MED9: variants seen among roughly 807,000 people sequenced by gnomAD.
The protein encoded by MED9 is mediator of RNA polymerase II transcription subunit 9.
A neutral mutation model predicts 13.2 loss-of-function variants in MED9; 8 were observed. That is an observed-to-expected ratio of 0.61 (90% confidence interval 0.36 to 1.10). The LOEUF (loss-of-function observed/expected upper bound fraction) is 1.10. Ranked by LOEUF, MED9 falls within the 50% of genes least tolerant of loss-of-function variation. The pLI, the probability that MED9 is intolerant of heterozygous loss-of-function variation, is 0.02. For missense variants in MED9, 180 were observed against 193.4 expected, an observed-to-expected ratio of 0.93 and a Z score of 0.41; for synonymous variants, 87 against 82.8, an observed-to-expected ratio of 1.05 and a Z score of -0.28.
rs1160278837 is a variant in MED9 at position 17,483,600 on chromosome 17, G to A, written c.224+6335G>A. 1.3e-5 allele frequency among the ~76,000 whole-genome samples: 2 copies of A among 152,226 alleles called. No homozygotes were observed. Among genetic ancestry groups the A allele is most frequent in the Non-Finnish European group, 2.9e-5 (2 of 68,044 alleles). ...CATCTCTTCTAGTGTCTTTCCCGCA[G>A]TTGAATGAAAAATTAAACTACACAT... On this transcript the variant is annotated intron_variant, in intron 1 of 1. Coordinates refer to ENST00000268711, the MANE Select transcript of MED9 (RefSeq NM_018019.3). The surrounding 1 kb of genome is among the most constrained non-coding windows in gnomAD (Gnocchi z 4.2).
rs1372859708 is a variant in MED9 at position 17,491,509 on chromosome 17, T to C, written c.*14T>C. On this transcript the variant is annotated 3_prime_UTR_variant, in exon 2 of 2. Coordinates refer to ENST00000268711, the MANE Select transcript of MED9 (RefSeq NM_018019.3). Reference sequence around the variant, plus strand: ...CCCAAGGAGTAGAGTGAGGCTGACTTCCTTAGAAAGAGGGGGAAGCCAATG... The same window carrying C: ...CCCAAGGAGTAGAGTGAGGCTGACTCCCTTAGAAAGAGGGGGAAGCCAATG... The C allele has an allele frequency of 6.3e-7, 1 of 1,597,086 alleles. No individual in the cohort carries two copies. Among genetic ancestry groups the C allele is most frequent in the Admixed American group, 1.7e-5 (1 of 59,994 alleles).
intron 1 of MED9, among the ~76,000 whole-genome samples, chr17:17,480,212 G>A (rs1335538666): frequency 6.6e-6 from 1 of 152,134 alleles, no homozygotes; most frequent in Non-Finnish European, 1.5e-5. Context: ...ACTGAAAAGA[G>A]GGATTAAGAG....
chr17:17,491,553 A>G lies in MED9; in HGVS notation c.*58A>G. Reference sequence around the variant, plus strand: ...GCCAATGGCCTGTCTCCCCACTACCATCCCCAAACGCTCCTTGGGGCGTGG... The same window carrying G: ...GCCAATGGCCTGTCTCCCCACTACCGTCCCCAAACGCTCCTTGGGGCGTGG... On this transcript the variant is annotated 3_prime_UTR_variant, in exon 2 of 2. Transcript: ENST00000268711. 1.4e-6 allele frequency: 2 copies of G among 1,472,552 alleles called. No homozygotes were observed. Among genetic ancestry groups the G allele is most frequent in the Non-Finnish European group, 1.9e-6 (2 of 1,058,270 alleles). 91.2% of individuals were successfully genotyped at this position (1,472,552 alleles called of 1,614,324 possible).
At position 17,491,642 on chromosome 17, in the gene MED9, G is replaced by A. The variant is rs555612650; in HGVS notation, c.*147G>A. 104 of 784,800 alleles carry A rather than the reference G, an allele frequency of 1.3e-4. 1 individual carries two copies. In the African/African-American group the frequency reaches 1.5e-3, roughly 11 times the overall value. 48.6% of individuals were successfully genotyped at this position (784,800 alleles called of 1,614,324 possible). ...GCGGGGCTCCTGTGCTGCTGCGCGC[G>A]CTTCGCCTGTGCGGGAGCCAGCGCA... On this transcript the variant is annotated 3_prime_UTR_variant, in exon 2 of 2. Transcript: ENST00000268711.
At position 17,483,391 on chromosome 17, in the gene MED9, G is replaced by C. The variant is rs1905064933; in HGVS notation, c.224+6126G>C. Among the ~76,000 whole-genome samples the C allele has an allele frequency of 6.6e-6, 1 of 152,184 alleles. No homozygotes were observed. Among genetic ancestry groups the C allele is most frequent in the Non-Finnish European group, 1.5e-5 (1 of 68,042 alleles). On this transcript the variant is annotated intron_variant, in intron 1 of 1. Coordinates refer to ENST00000268711, the MANE Select transcript of MED9 (RefSeq NM_018019.3). The surrounding 1 kb of genome is among the most constrained non-coding windows in gnomAD (Gnocchi z 4.2). The stretch of plus-strand genomic sequence containing the variant: ...CACAGAGGGTCCTCTTGCTGCAGGT[G>C]CTGTTGGGTGGGCGGAGTCCTCCAG...
At chr17:17,478,399 A>G (rs1016018768) in intron 1 of MED9, among the ~76,000 whole-genome samples, 1 of 152,226 alleles carries the variant, frequency 6.6e-6, no homozygotes, top group African/African-American at 2.4e-5. Context: ...AATTGTTACA[A>G]CGTGAAGGTC....
chr17:17,489,696 A>G (rs1905196763), intron 1 of MED9, among the ~76,000 whole-genome samples: 1 of 152,204 alleles, frequency 6.6e-6, no homozygotes, highest in South Asian at 2.1e-4. Flanking sequence ...CATGAATACC[A>G]GTTCATCCTC....
chr17:17,478,549 T>C (rs1904968039), intron 1 of MED9, among the ~76,000 whole-genome samples: 1 of 152,212 alleles, frequency 6.6e-6, no homozygotes, highest in African/African-American at 2.4e-5. Context: ...TCATTTGGTT[T>C]CACTTGGTGT....
chr17:17,487,584 C>T (rs1905160038), intron 1 of MED9: 1 of 167,826 alleles, frequency 6.0e-6, no homozygotes, highest in African/African-American at 2.4e-5. Context: ...AAGGAAGAAA[C>T]TCCGAACACA....
chr17:17,481,533 A>AT (rs1273928297), intron 1 of MED9, among the ~76,000 whole-genome samples: 1 of 152,208 alleles, frequency 6.6e-6, no homozygotes, highest in Admixed American at 6.5e-5. Context: ...TTACATATGA[A>AT]TGTCATTTCA....
rs754445055 is a variant in MED9, at chr17:17,477,225, AACT to A, written c.188_190del (p.Tyr63del). ...ACCTGCCCGCGCGAGGGAGGAAGAG[AACT>A]ACTCCTTTTTACCTTTGGTTCACAA... On this transcript the variant is annotated inframe_deletion, in exon 1 of 2. Coordinates refer to ENST00000268711, the MANE Select transcript of MED9 (RefSeq NM_018019.3). The A allele has an allele frequency of 1.1e-5, 17 of 1,609,306 alleles. No homozygotes were observed. Among genetic ancestry groups the A allele is most frequent in the Admixed American group, 1.7e-5 (1 of 59,628 alleles).
At chr17:17,490,456 T>C (rs557466590) in intron 1 of MED9, among the ~76,000 whole-genome samples, 1 of 152,232 alleles carries the variant, frequency 6.6e-6, no homozygotes, top group South Asian at 2.1e-4. Context: ...AAACAAAAAA[T>C]GTACAGGAGC....
At chr17:17,485,815 A>G (rs1488118772) in intron 1 of MED9, 2 of 154,228 alleles carry the variant, frequency 1.3e-5, no homozygotes, top group African/African-American at 4.8e-5. Context: ...AGTGATTTTC[A>G]TACTCCGTTT....
chr17:17,489,727 A>G (rs1597852569), intron 1 of MED9, among the ~76,000 whole-genome samples: 1 of 152,200 alleles, frequency 6.6e-6, no homozygotes, highest in Non-Finnish European at 1.5e-5. Context: ...GCGATAAGGT[A>G]TACTGTTAAT....
intron 1 of MED9, chr17:17,486,874 A>G (rs1446042768): frequency 6.6e-6 from 1 of 152,324 alleles, no homozygotes; most frequent in African/African-American, 2.4e-5. Flanking sequence ...TAAATACACC[A>G]GTCAGCACCC....
At position 17,477,680 on chromosome 17, in the gene MED9, C is replaced by G. The variant is rs73292342; in HGVS notation, c.224+415C>G. On this transcript the variant is annotated intron_variant, in intron 1 of 1. Coordinates refer to ENST00000268711, the MANE Select transcript of MED9 (RefSeq NM_018019.3). ...CCTGTGCCAAGTGCTACGGGATGGA[C>G]GCAGTAAAAGGGGCCAACTTTTCAC... 1,178 of 162,074 alleles carry G rather than the reference C, an allele frequency of 7.3e-3. 19 individuals are homozygous for G. Among genetic ancestry groups the G allele is most frequent in the African/African-American group, 0.027 (1,110 of 41,832 alleles). 10.0% of individuals were successfully genotyped at this position (162,074 alleles called of 1,614,324 possible). A position where few individuals can be genotyped will look rare whatever the true frequency, so the allele number is the denominator to read the frequency against.
At position 17,491,615 on chromosome 17, in the gene MED9, G is replaced by A. The variant is rs1219849024; in HGVS notation, c.*120G>A. The A allele has an allele frequency of 3.0e-6, 3 of 988,138 alleles. No homozygotes were observed. The highest frequency in any genetic ancestry group is 1.5e-5 in the South Asian group (1 of 67,750). 61.2% of individuals were successfully genotyped at this position (988,138 alleles called of 1,614,324 possible). A position where few individuals can be genotyped will look rare whatever the true frequency, so the allele number is the denominator to read the frequency against. On this transcript the variant is annotated 3_prime_UTR_variant, in exon 2 of 2. Transcript: ENST00000268711. The stretch of plus-strand genomic sequence containing the variant: ...CCCAGCTCAGCTCGTCAAGCTGCAG[G>A]GGCGGGGCTCCTGTGCTGCTGCGCG...
At chr17:17,481,876 C>T (rs115577147) in intron 1 of MED9, among the ~76,000 whole-genome samples, 2,169 of 152,302 alleles carry the variant, frequency 0.014, 56 homozygotes, top group African/African-American at 0.049. Flanking sequence ...TAGAGCACTA[C>T]GTCTTTTTAG....
intron 1 of MED9, among the ~76,000 whole-genome samples, chr17:17,482,660 C>G (rs1042629879): frequency 3.9e-5 from 6 of 152,232 alleles, no homozygotes; most frequent in Admixed American, 3.3e-4. Context: ...CTTATGGCTT[C>G]TGAGTTTTGG....
Sources: gnomAD v4.1 joint callset for allele counts (sites outside exome capture counted in the v4.1 genomes callset) on GRCh38, gnomAD v4.1.1 for gene constraint, Gnocchi (gnomAD v3.1) non-coding constraint, MANE v1.5 for transcripts, NCBI Gene and HGNC (gene_info 2026-07-23, HGNC 2026-07-21) for gene names.